The following OSBPL3 variants were observed in gnomAD, a reference collection of about 807,000 sequenced individuals.
OSBPL3 encodes oxysterol-binding protein-related protein 3.
Under a neutral mutation model 120.1 loss-of-function variants are expected in OSBPL3, and 65 were observed. The ratio of observed to expected loss-of-function variants is 0.54; its 90% CI spans 0.44 to 0.67. The LOEUF (loss-of-function observed/expected upper bound fraction) is 0.67. OSBPL3 is among the 30% of genes least tolerant of loss of function. The pLI, the probability that OSBPL3 is intolerant of heterozygous loss-of-function variation, is 0.00. For synonymous variants in OSBPL3, 416 were observed against 402.6 expected, an observed-to-expected ratio of 1.03 and a Z score of -0.40; for missense variants, 1,004 against 1,082.1, an observed-to-expected ratio of 0.93 and a Z score of 1.01.
Position 24,940,818 on chromosome 7 carries a change from C to CCT in OSBPL3, c.-150+39067_-150+39068insAG, listed in dbSNP as rs1554412106. Among the ~76,000 whole-genome samples, 1 of 145,058 alleles carries CCT rather than the reference C, an allele frequency of 6.9e-6. No homozygotes were observed. The highest frequency in any genetic ancestry group is 1.5e-5 in the Non-Finnish European group (1 of 66,496). ...TTCTTAACATTTCTTCCTTTTTTTT[C>CCT]TTTTTTTTTTTGTGTGTGTGTGACG... On this transcript the variant is annotated intron_variant, in intron 1 of 22. Coordinates refer to ENST00000313367, the MANE Select transcript of OSBPL3 (RefSeq NM_015550.4). This position sits in a 1 kb window ranked among gnomAD's most constrained non-coding sequence, Gnocchi z 4.4.
At chr7:24,823,653 A>G (rs967838749) in intron 16 of OSBPL3, among the ~76,000 whole-genome samples, 1 of 152,316 alleles carries the variant, frequency 6.6e-6, no homozygotes, top group East Asian at 1.9e-4. Context: ...TCAGTCTCGC[A>G]TATTTCTTTG....
chr7:24,800,211 GA>G lies in OSBPL3; in HGVS notation c.2635del (p.Ser879ProfsTer48). On this transcript the variant is annotated frameshift_variant, in exon 23 of 23. Coordinates refer to ENST00000313367, the MANE Select transcript of OSBPL3 (RefSeq NM_015550.4). LOFTEE classifies it high-confidence loss of function. ...CCATAAGACAGGATGGTCCAGTTTG[GA>G]AAAACCAAGATCTTTTCTAAGTTCC... ...YLELRKDLGF[S>X]KLDHPVLW The G allele has an allele frequency of 1.2e-6, 2 of 1,609,156 alleles. No individual in the cohort carries two copies. Among genetic ancestry groups the G allele is most frequent in the Non-Finnish European group, 1.7e-6 (2 of 1,175,610 alleles).
At position 24,841,716 on chromosome 7, in the gene OSBPL3, A is replaced by AG. The variant is rs1221663053; in HGVS notation, c.1401+562_1401+563insC. ...TCTCAAAAAAAAAAAAAAAAAAAAA[A>AG]AAAAAGAGGCCAGGCACAGTGGCTC... On this transcript the variant is annotated intron_variant, in intron 13 of 22. Transcript: ENST00000313367. Among the ~76,000 whole-genome samples, 50 of 148,324 alleles carry AG rather than the reference A, an allele frequency of 3.4e-4. 6 individuals are homozygous for AG. Among genetic ancestry groups the AG allele is most frequent in the African/African-American group, 1.1e-3 (46 of 40,160 alleles).
rs1794716803 is a variant in OSBPL3 at position 24,818,301 on chromosome 7, G to A, written c.1949-1613C>T. On this transcript the variant is annotated intron_variant, in intron 17 of 22. Transcript: ENST00000313367. This position sits in a 1 kb window ranked among gnomAD's most constrained non-coding sequence, Gnocchi z 4.0. ...CCATTGAATTGTACACTTTACACGG[G>A]TGAATGATATGGTATATAAGTTATA... 6.6e-6 allele frequency among the ~76,000 whole-genome samples: 1 copy of A among 152,092 alleles called. No homozygotes were observed. The highest frequency in any genetic ancestry group is 1.5e-5 in the Non-Finnish European group (1 of 68,034).
intron 1 of OSBPL3, among the ~76,000 whole-genome samples, chr7:24,928,326 G>C (rs1245413390): frequency 6.6e-6 from 1 of 151,792 alleles, no homozygotes; most frequent in Non-Finnish European, 1.5e-5. Flanking sequence ...CGAGTAGCTG[G>C]GACTATAGGC....
intron 12 of OSBPL3, among the ~76,000 whole-genome samples, chr7:24,846,603 T>C (rs1235643180): frequency 6.6e-6 from 1 of 152,194 alleles, no homozygotes; most frequent in Non-Finnish European, 1.5e-5. Flanking sequence ...GAATCTAAAA[T>C]AATCAAAGAA....
rs1485085308 is a variant in OSBPL3 at position 24,855,880 on chromosome 7, T to C, written c.1028-3246A>G. ...AAGCCACACAGAAAATCTTAGATGC[T>C]CAGAGATTACCAAAGCCACCCACCC... is the stretch of plus-strand genomic sequence containing the variant. On this transcript the variant is annotated intron_variant, in intron 10 of 22. Transcript: ENST00000313367. The surrounding 1 kb of genome is among the most constrained non-coding windows in gnomAD (Gnocchi z 4.3). Among the ~76,000 whole-genome samples the C allele has an allele frequency of 6.6e-6, 1 of 152,156 alleles. No homozygotes were observed. The highest frequency in any genetic ancestry group is 2.4e-5 in the African/African-American group (1 of 41,434).
chr7:24,895,921 AC>A (rs1806067691), intron 1 of OSBPL3, among the ~76,000 whole-genome samples: 1 of 152,170 alleles, frequency 6.6e-6, no homozygotes, highest in Non-Finnish European at 1.5e-5. Context: ...ACTTGCAAAT[AC>A]TCATATAATC....
chr7:24,970,655 T>A (rs1215004184), intron 1 of OSBPL3, among the ~76,000 whole-genome samples: 1 of 152,188 alleles, frequency 6.6e-6, no homozygotes, highest in African/African-American at 2.4e-5. Context: ...GAAGTGAATA[T>A]TCTTTGAGGT....
intron 5 of OSBPL3, among the ~76,000 whole-genome samples, chr7:24,870,049 C>T (rs565282347): frequency 4.6e-5 from 7 of 152,248 alleles, no homozygotes; most frequent in South Asian, 4.1e-4. Context: ...ACATGCAACC[C>T]GACAAGATAA....
At chr7:24,917,410 A>T (rs1389993580) in intron 1 of OSBPL3, among the ~76,000 whole-genome samples, 3 of 108,308 alleles carry the variant, frequency 2.8e-5, no homozygotes, top group African/African-American at 1.1e-4. Context: ...ACATATATAT[A>T]TATATATATA....
chr7:24,800,453 CTTTT>C (rs766653677), intron 22 of OSBPL3, among the ~76,000 whole-genome samples, 174 bp from the exon 23 acceptor site: 1 of 119,526 alleles, frequency 8.4e-6, no homozygotes. Context: ...AATTTTGTTA[CTTTT>C]TTTTTTTTTT....
intron 4 of OSBPL3, 32 bp from the exon 5 acceptor site, chr7:24,870,877 C>T (rs760675050): frequency 7.1e-7 from 1 of 1,404,382 alleles, no homozygotes; most frequent in African/African-American, 1.4e-5. Flanking sequence ...CACTTGGGGA[C>T]CATGGTGTTA....
chr7:24,897,320 CTTTTT>C (rs35715609), intron 1 of OSBPL3, among the ~76,000 whole-genome samples: 2 of 102,252 alleles, frequency 2.0e-5, no homozygotes, highest in Non-Finnish European at 3.7e-5. Flanking sequence ...ATGGCAGAAT[CTTTTT>C]TTTTTTTTTT....
At position 24,932,942 on chromosome 7, in the gene OSBPL3, T is replaced by C. The variant is rs1235672396; in HGVS notation, c.-149-40321A>G. Reference sequence around the variant, plus strand: ...ACCCCCACTGTTCTGTAAGGCAGAATGCCATGTTACAAACCAGTGAACCGT... The same window carrying C: ...ACCCCCACTGTTCTGTAAGGCAGAACGCCATGTTACAAACCAGTGAACCGT... On this transcript the variant is annotated intron_variant, in intron 1 of 22. Transcript: ENST00000313367. The surrounding 1 kb of genome is among the most constrained non-coding windows in gnomAD (Gnocchi z 5.6). Among the ~76,000 whole-genome samples, 1 of 152,242 alleles carries C rather than the reference T, an allele frequency of 6.6e-6. No individual in the cohort carries two copies. The highest frequency in any genetic ancestry group is 2.4e-5 in the African/African-American group (1 of 41,466).
rs969885937 is a variant in OSBPL3, at chr7:24,830,395, T to G, written c.1884+373A>C. Among the ~76,000 whole-genome samples the G allele has an allele frequency of 2.0e-5, 3 of 152,228 alleles. No homozygotes were observed. The highest frequency in any genetic ancestry group is 7.2e-5 in the African/African-American group (3 of 41,460). ...AACGCATTTATCTGGCGCTACCCAC[T>G]CTGCTGGGGGCATTCATGCTCTGGA... On this transcript the variant is annotated intron_variant, in intron 16 of 22. Coordinates refer to ENST00000313367, the MANE Select transcript of OSBPL3 (RefSeq NM_015550.4). The surrounding 1 kb of genome is among the most constrained non-coding windows in gnomAD (Gnocchi z 4.4).
At position 24,900,432 on chromosome 7, in the gene OSBPL3, A is replaced by G. The variant is rs1806819012; in HGVS notation, c.-149-7811T>C. On this transcript the variant is annotated intron_variant, in intron 1 of 22. Transcript: ENST00000313367. The surrounding 1 kb of genome is among the most constrained non-coding windows in gnomAD (Gnocchi z 4.5). ...CTACGGTAAAATTAGCTTCGTATATATCGTTTCACTTGAAGTCACAGTTTC... is the reference window on the plus strand; with the variant it reads ...CTACGGTAAAATTAGCTTCGTATATGTCGTTTCACTTGAAGTCACAGTTTC... Among the ~76,000 whole-genome samples, 3 of 152,236 alleles carry G rather than the reference A, an allele frequency of 2.0e-5. No individual in the cohort carries two copies. In the South Asian group the frequency reaches 6.2e-4, roughly 31 times the overall value.
chr7:24,921,437 C>G (rs113536950), intron 1 of OSBPL3, among the ~76,000 whole-genome samples: 1 of 152,180 alleles, frequency 6.6e-6, no homozygotes, highest in African/African-American at 2.4e-5. Context: ...TGTAAATCAC[C>G]TCTTTGACAC....
chr7:24,908,717 C>T (rs964318212), intron 1 of OSBPL3, among the ~76,000 whole-genome samples: 1 of 152,240 alleles, frequency 6.6e-6, no homozygotes, highest in Non-Finnish European at 1.5e-5. Context: ...ATTTTACCAA[C>T]CAGCTGCCCA....
Sources: gnomAD v4.1 joint callset for allele counts (sites outside exome capture counted in the v4.1 genomes callset) on GRCh38, gnomAD v4.1.1 for gene constraint, Gnocchi (gnomAD v3.1) non-coding constraint, MANE v1.5 for transcripts, NCBI Gene and HGNC (gene_info 2026-07-23, HGNC 2026-07-21) for gene names.